The following PCDHGA1 variants were observed in gnomAD, a reference collection of about 807,000 sequenced individuals.
PCDHGA1 encodes the protein protocadherin gamma-A1.
PCDHGA1 carries 32 observed loss-of-function variants against 58.0 expected under a neutral mutation model. The ratio of observed to expected loss-of-function variants is 0.55; its 90% CI spans 0.42 to 0.74. The LOEUF is 0.74. Ranked by LOEUF, PCDHGA1 falls within the 30% of genes least tolerant of loss-of-function variation. The pLI, the probability that PCDHGA1 is intolerant of heterozygous loss-of-function variation, is 0.00. For synonymous variants in PCDHGA1, 498 were observed against 501.1 expected (o/e 0.99, Z 0.08); for missense variants, 1,205 against 1,182.3 (o/e 1.02, Z -0.28).
chr5:141,474,557 G>A (rs1261720500), intron 1 of PCDHGA1, among the ~76,000 whole-genome samples: 1 of 152,184 alleles, frequency 6.6e-6, no homozygotes, highest in African/African-American at 2.4e-5. Context: ...AAAACTGGGG[G>A]TTTTCAGAGA....
At chr5:141,367,958 C>A (rs1349298389) in intron 1 of PCDHGA1, among the ~76,000 whole-genome samples, 1 of 152,088 alleles carries the variant, frequency 6.6e-6, no homozygotes, top group African/African-American at 2.4e-5. Flanking sequence ...AATTTCATAT[C>A]TAACGTATGT....
intron 1 of PCDHGA1, among the ~76,000 whole-genome samples, chr5:141,444,732 A>G (rs2098445644): frequency 6.6e-6 from 1 of 152,194 alleles, no homozygotes; most frequent in Admixed American, 6.6e-5. Context: ...CTTTGTTGAA[A>G]GTCATTTCAC....
At chr5:141,373,925 G>C (rs1769961983) in intron 1 of PCDHGA1, 11 of 660,560 alleles carry the variant, frequency 1.7e-5, no homozygotes, top group Non-Finnish European at 2.6e-5. Flanking sequence ...CAAATTAGAC[G>C]GGAAAGCAGG....
Position 141,431,253 on chromosome 5 carries a change from A to G in PCDHGA1, c.2422-63554A>G, listed in dbSNP as rs1554123268. The G allele has an allele frequency of 1.2e-6, 2 of 1,614,132 alleles. No individual in the cohort carries two copies. Among genetic ancestry groups the G allele is most frequent in the South Asian group, 1.1e-5 (1 of 91,088 alleles). ...GCCTGGGATCCGGATATCGGGAAGA[A>G]CTCTCTGCAGAGCTACGAGCTCAGC... is the stretch of plus-strand genomic sequence containing the variant. On this transcript the variant is annotated intron_variant, in intron 1 of 3. Transcript: ENST00000517417. The surrounding 1 kb of genome is among the most constrained non-coding windows in gnomAD (Gnocchi z 4.8).
chr5:141,506,380 TG>T (rs2099852860), intron 3 of PCDHGA1, among the ~76,000 whole-genome samples: 1 of 141,314 alleles, frequency 7.1e-6, no homozygotes, highest in Non-Finnish European at 1.5e-5. Flanking sequence ...ACCTGGGAGG[TG>T]GCTGTGGTGA....
At chr5:141,413,195 G>A (rs771456948) in intron 1 of PCDHGA1, 2 of 1,610,846 alleles carry the variant, frequency 1.2e-6, no homozygotes, top group Admixed American at 1.7e-5. Context: ...CAAAGGAATC[G>A]CTCAAAGGAA....
In PCDHGA1 at chr5:141,334,907, AC is replaced by A. The variant is rs925906767; in HGVS notation, c.2421+1803del. On this transcript the variant is annotated intron_variant, in intron 1 of 3. Transcript: ENST00000517417. This position sits in a 1 kb window ranked among gnomAD's most constrained non-coding sequence, Gnocchi z 4.6. ...GGGATATAGTGTAGAAGAGAAAAAA[AC>A]AAACTAAAACTAAAAACAAACAGAG... Among the ~76,000 whole-genome samples the A allele has an allele frequency of 6.6e-6, 1 of 152,242 alleles. No homozygotes were observed. Among genetic ancestry groups the A allele is most frequent in the Non-Finnish European group, 1.5e-5 (1 of 68,046 alleles).
At chr5:141,454,034 G>A (rs530844564) in intron 1 of PCDHGA1, among the ~76,000 whole-genome samples, 10 of 152,270 alleles carry the variant, frequency 6.6e-5, no homozygotes, top group African/African-American at 2.4e-4. Context: ...GAATTGGCCA[G>A]CAAAGATAAA....
chr5:141,340,751 G>A, intron 1 of PCDHGA1: 1 of 1,614,002 alleles, frequency 6.2e-7, no homozygotes, highest in Non-Finnish European at 8.5e-7. Context: ...GGTGGTGGCG[G>A]TGGACAGAGA....
intron 1 of PCDHGA1, chr5:141,408,371 A>C (rs2095092452): frequency 6.2e-7 from 1 of 1,613,848 alleles, no homozygotes; most frequent in Non-Finnish European, 8.5e-7. Flanking sequence ...TCTAGGGCTC[A>C]GTGTCCTGGA....
chr5:141,382,427 G>T (rs1422765851), intron 1 of PCDHGA1, among the ~76,000 whole-genome samples: 1 of 152,138 alleles, frequency 6.6e-6, no homozygotes, highest in African/African-American at 2.4e-5. Context: ...GTGCCCAAAA[G>T]AGTCACTTGA....
chr5:141,365,902 G>A lies in PCDHGA1; in HGVS notation c.2421+32797G>A, dbSNP rs373157726. ...CTCTGAGATCCTTCGACTATGAGCAGTTGAGAGACCTACAGTTGTGGGTGA... is the reference window on the plus strand; with the variant it reads ...CTCTGAGATCCTTCGACTATGAGCAATTGAGAGACCTACAGTTGTGGGTGA... On this transcript the variant is annotated intron_variant, in intron 1 of 3. Coordinates refer to ENST00000517417, the MANE Select transcript of PCDHGA1 (RefSeq NM_018912.3). 22 of 1,614,138 alleles carry A rather than the reference G, an allele frequency of 1.4e-5. No homozygotes were observed. The African/African-American group carries it at 2.9e-4, about 22-fold the overall frequency.
chr5:141,395,542 TTGTGTGTGTG>T lies in PCDHGA1; in HGVS notation c.2421+62477_2421+62486del, dbSNP rs55729045. 945 of 172,430 alleles carry T rather than the reference TTGTGTGTGTG, an allele frequency of 5.5e-3. 2 individuals carry two copies. The highest frequency in any genetic ancestry group is 0.011 in the African/African-American group (192 of 17,544). 10.7% of individuals were successfully genotyped at this position (172,430 alleles called of 1,614,324 possible). A position where few individuals can be genotyped will look rare whatever the true frequency, so the allele number is the denominator to read the frequency against. On this transcript the variant is annotated intron_variant, in intron 1 of 3. Coordinates refer to ENST00000517417, the MANE Select transcript of PCDHGA1 (RefSeq NM_018912.3). ...TCCATACTGGTAATTTTGCTATTGT[TTGTGTGTGTG>T]TGTGTGTGTGTGTGTGTGTGTGTGT...
At chr5:141,389,725 T>A in intron 1 of PCDHGA1, 1 of 1,612,726 alleles carries the variant, frequency 6.2e-7, no homozygotes, top group South Asian at 1.1e-5. Flanking sequence ...GAGCCCGGGC[T>A]CTTCAGCCTG....
intron 1 of PCDHGA1, chr5:141,361,812 G>T (rs748753973): frequency 7.4e-6 from 12 of 1,612,954 alleles, no homozygotes; most frequent in Admixed American, 5.0e-5. Flanking sequence ...ATGACAATGC[G>T]CCACGGGTGC....
At chr5:141,457,289 G>C (rs907200077) in intron 1 of PCDHGA1, among the ~76,000 whole-genome samples, 2 of 152,146 alleles carry the variant, frequency 1.3e-5, no homozygotes, top group African/African-American at 4.8e-5. Flanking sequence ...GAAGTTCCTT[G>C]GTTTTATTTT....
chr5:141,345,231 C>G (rs1452734533), intron 1 of PCDHGA1: 1 of 1,613,934 alleles, frequency 6.2e-7, no homozygotes, highest in Non-Finnish European at 8.5e-7. Flanking sequence ...ATCAATAGAT[C>G]AATATTACCG....
Position 141,332,406 on chromosome 5 carries a change from C to A in PCDHGA1, c.1722C>A (p.Gly574=). The change falls in exon 1 of 4, where the codon GGC becomes GGA. Residue 574 remains glycine, a synonymous_variant. Transcript: ENST00000517417. This position sits in a 1 kb window ranked among gnomAD's most constrained non-coding sequence, Gnocchi z 4.6. ...YPALPTDGST[G]VELAPLSAEP... ...CCCTCCCCACAGATGGTTCTACCGG[C>A]GTGGAGCTGGCGCCCCTCTCCGCAG... 1 of 1,614,192 alleles carries A rather than the reference C, an allele frequency of 6.2e-7. No individual in the cohort carries two copies. Among genetic ancestry groups the A allele is most frequent in the Non-Finnish European group, 8.5e-7 (1 of 1,180,042 alleles).
At chr5:141,420,250 A>G (rs757203976) in intron 1 of PCDHGA1, 2 of 1,578,784 alleles carry the variant, frequency 1.3e-6, no homozygotes, top group South Asian at 1.2e-5. Context: ...CCAGCGTTGA[A>G]GCAGATAAGA....
Sources: gnomAD v4.1 joint callset for allele counts (sites outside exome capture counted in the v4.1 genomes callset) on GRCh38, gnomAD v4.1.1 for gene constraint, Gnocchi (gnomAD v3.1) non-coding constraint, MANE v1.5 for transcripts, NCBI Gene and HGNC (gene_info 2026-07-23, HGNC 2026-07-21) for gene names.